Variants in CLEC5A observed in about 807,000 individuals in gnomAD.
CLEC5A encodes C-type lectin domain containing 5A, also known as C-type lectin domain family 5 member A.
In CLEC5A, 15 loss-of-function variants were observed where a neutral mutation model predicts 24.4. That is an observed-to-expected ratio of 0.62 (90% CI 0.41 to 0.95). The LOEUF (loss-of-function observed/expected upper bound fraction) is 0.95. Ranked by LOEUF, CLEC5A falls within the 40% of genes least tolerant of loss-of-function variation. The pLI is 0.00. For synonymous variants in CLEC5A, 71 were observed against 72.6 expected (o/e 0.98, Z 0.11); for missense variants, 211 against 224.0 (o/e 0.94, Z 0.37).
intron 2 of CLEC5A, 38 bp from the exon 3 acceptor site, chr7:141,945,438 TGACTG>T (rs1554442046): frequency 1.4e-6 from 2 of 1,420,052 alleles, no homozygotes; most frequent in Admixed American, 3.4e-5. Context: ...GCCCCAAATG[TGACTG>T]CATGATGAAT....
At chr7:141,931,256 A>G (rs1279167306) in intron 6 of CLEC5A, among the ~76,000 whole-genome samples, 3 of 152,170 alleles carry the variant, frequency 2.0e-5, no homozygotes, top group South Asian at 4.1e-4. Flanking sequence ...GTGTTATAGA[A>G]ATAGATCTCA....
At chr7:141,936,374 T>A (rs141492736) in intron 4 of CLEC5A, 172 of 251,292 alleles carry the variant, frequency 6.8e-4, no homozygotes, top group African/African-American at 3.9e-3. Context: ...CATGGCATGG[T>A]AAAGTGTATG....
At chr7:141,944,774 C>T (rs1189155688) in intron 3 of CLEC5A, among the ~76,000 whole-genome samples, 2 of 152,170 alleles carry the variant, frequency 1.3e-5, no homozygotes, top group Non-Finnish European at 2.9e-5. Flanking sequence ...CTTTTTATTT[C>T]AGTACCCCGT....
chr7:141,942,206 T>C (rs1404838472), intron 4 of CLEC5A, among the ~76,000 whole-genome samples: 5 of 152,052 alleles, frequency 3.3e-5, no homozygotes, highest in African/African-American at 4.8e-5. Context: ...GTTACCAAAA[T>C]GCCATGGTAC....
chr7:141,936,756 C>T (rs527873496), intron 4 of CLEC5A, among the ~76,000 whole-genome samples: 53 of 152,194 alleles, frequency 3.5e-4, no homozygotes, highest in African/African-American at 1.2e-3. Flanking sequence ...GCTCTCCCAA[C>T]CCCAAGCAGC....
chr7:141,931,670 T>G, intron 6 of CLEC5A, 50 bp downstream of exon 6: 1 of 990,938 alleles, frequency 1.0e-6, no homozygotes, highest in East Asian at 2.4e-5. Flanking sequence ...TCAGGTTTGG[T>G]CTTTTGAAGC....
intron 4 of CLEC5A, among the ~76,000 whole-genome samples, chr7:141,941,699 G>A (rs1285970): frequency 0.99 from 150,043 of 152,216 alleles, 73,989 homozygotes; most frequent in Middle Eastern, 1. Flanking sequence ...CCACCAAAAA[G>A]CTATTAGAAC....
intron 6 of CLEC5A, among the ~76,000 whole-genome samples, chr7:141,931,319 G>C (rs1239636414): frequency 1.3e-5 from 2 of 152,058 alleles, no homozygotes; most frequent in Non-Finnish European, 2.9e-5. Flanking sequence ...TCCTAGAGAT[G>C]GCTAGCATCC....
In CLEC5A at chr7:141,928,007, A is replaced by G. The variant is rs572375076; in HGVS notation, c.*2097T>C. 2 of 152,340 alleles carry G rather than the reference A, an allele frequency of 1.3e-5. No individual in the cohort carries two copies. Among genetic ancestry groups the G allele is most frequent in the African/African-American group, 4.8e-5 (2 of 41,580 alleles). The allele number at this position is 152,340 out of a possible 1,614,324, so 9.4% of individuals were successfully genotyped here. ...AGAAAACTGTACTGATTCACACAGC[A>G]TATTAGAAACAAAGTGAAAACTCAA... is the stretch of plus-strand genomic sequence containing the variant. On this transcript the variant is annotated 3_prime_UTR_variant, in exon 7 of 7. Transcript: ENST00000546910.
rs1415323315 is a variant in CLEC5A, at chr7:141,928,301, T to A, written c.*1803A>T. 6.6e-6 allele frequency: 1 copy of A among 152,620 alleles called. No homozygotes were observed. Among genetic ancestry groups the A allele is most frequent in the Non-Finnish European group, 1.5e-5 (1 of 68,042 alleles). 9.5% of individuals were successfully genotyped at this position (152,620 alleles called of 1,614,324 possible). On this transcript the variant is annotated 3_prime_UTR_variant, in exon 7 of 7. Transcript: ENST00000546910. The stretch of plus-strand genomic sequence containing the variant: ...ATCACTAGATGTCTACATTTCCTGA[T>A]CTTAAAAGTTTGCAGTTATTCTGTC...
At chr7:141,941,976 T>C (rs1422106164) in intron 4 of CLEC5A, among the ~76,000 whole-genome samples, 1 of 151,956 alleles carries the variant, frequency 6.6e-6, no homozygotes, top group Non-Finnish European at 1.5e-5. Flanking sequence ...ATTGGAAGAA[T>C]CAATATTGTT....
At chr7:141,941,140 C>T (rs111931875) in intron 4 of CLEC5A, among the ~76,000 whole-genome samples, 18 of 151,728 alleles carry the variant, frequency 1.2e-4, no homozygotes, top group African/African-American at 2.9e-4. Context: ...TGAAACTACA[C>T]GCAAATATAC....
At chr7:141,935,741 A>G in intron 5 of CLEC5A, 73 bp downstream of exon 5, 1 of 1,448,042 alleles carries the variant, frequency 6.9e-7, no homozygotes, top group East Asian at 2.3e-5. Flanking sequence ...CACTCCCCCA[A>G]GTTTCTACCC....
rs782313800 is a variant in CLEC5A, at chr7:141,929,954, C to G, written c.*150G>C. 6.6e-6 allele frequency: 4 copies of G among 601,666 alleles called. No homozygotes were observed. The highest frequency in any genetic ancestry group is 1.2e-5 in the Non-Finnish European group (4 of 341,748). 37.3% of individuals were successfully genotyped at this position (601,666 alleles called of 1,614,324 possible). A position where few individuals can be genotyped will look rare whatever the true frequency, so the allele number is the denominator to read the frequency against. ...CTCCTGGAGATGGCTAGCATCCAGT[C>G]CCCCAGTGCAGAAGAAAGAAGCTCA... On this transcript the variant is annotated 3_prime_UTR_variant, in exon 7 of 7. Transcript: ENST00000546910.
intron 4 of CLEC5A, among the ~76,000 whole-genome samples, chr7:141,939,699 A>C (rs529081291): frequency 6.6e-6 from 1 of 152,252 alleles, no homozygotes; most frequent in East Asian, 1.9e-4. Flanking sequence ...AACACACTCC[A>C]CCTATAAAGA....
chr7:141,935,997 A>G (rs1584847077), intron 4 of CLEC5A, 47 bp from the exon 5 acceptor site: 2 of 1,531,936 alleles, frequency 1.3e-6, no homozygotes, highest in Admixed American at 1.7e-5. Flanking sequence ...GGTTTGGGTT[A>G]TGAATCCTGC....
At chr7:141,932,552 A>G (rs2204608) in intron 5 of CLEC5A, among the ~76,000 whole-genome samples, 144,352 of 152,276 alleles carry the variant, frequency 0.95, 68,930 homozygotes, top group East Asian at 1. Context: ...TTAGTTTCTC[A>G]CTTTTCAATG....
intron 4 of CLEC5A, chr7:141,936,407 G>A: frequency 5.1e-6 from 1 of 194,228 alleles, no homozygotes; most frequent in East Asian, 1.7e-4. Context: ...GGAGTGTGCA[G>A]GGATTGTGAG....
At chr7:141,934,685 G>T (rs903356888) in intron 5 of CLEC5A, among the ~76,000 whole-genome samples, 1 of 127,572 alleles carries the variant, frequency 7.8e-6, no homozygotes, top group Admixed American at 9.8e-5. Context: ...GAGTGTAGTG[G>T]CACAGTCATG....
Sources: gnomAD v4.1 joint callset for allele counts (sites outside exome capture counted in the v4.1 genomes callset) on GRCh38, gnomAD v4.1.1 for gene constraint, MANE v1.5 for transcripts, NCBI Gene and HGNC (gene_info 2026-07-23, HGNC 2026-07-21) for gene names.